Variants in MAP2K5 observed in about 807,000 individuals in gnomAD.
The protein encoded by MAP2K5 is dual specificity mitogen-activated protein kinase kinase 5.
In MAP2K5, 49 loss-of-function variants were observed where a neutral mutation model predicts 83.1. That is an observed-to-expected ratio of 0.59 (90% CI 0.47 to 0.75). MAP2K5 has a LOEUF of 0.75. MAP2K5 is among the 30% of genes least tolerant of loss of function. MAP2K5 has a pLI of 0.00. For synonymous variants in MAP2K5, 202 were observed against 191.8 expected, an observed-to-expected ratio of 1.05 and a Z score of -0.44; for missense variants, 457 against 557.5, an observed-to-expected ratio of 0.82 and a Z score of 1.82.
At chr15:67,664,468 A>C in intron 12 of MAP2K5, 129 bp from the exon 13 acceptor site, 4 of 563,180 alleles carry the variant, frequency 7.1e-6, no homozygotes, top group African/African-American at 1.9e-5. Context: ...ACCCCACAGC[A>C]CTTCAGCCTA....
intron 2 of MAP2K5, among the ~76,000 whole-genome samples, chr15:67,550,320 A>C (rs944389635): frequency 6.6e-6 from 1 of 152,272 alleles, no homozygotes; most frequent in Non-Finnish European, 1.5e-5. Flanking sequence ...AATTACCAGC[A>C]TGACCTTTAT....
intron 7 of MAP2K5, among the ~76,000 whole-genome samples, chr15:67,595,233 ATTTC>A (rs961021189): frequency 7.2e-5 from 11 of 152,180 alleles, no homozygotes; most frequent in African/African-American, 2.7e-4. Flanking sequence ...ATAAATATTT[ATTTC>A]TTTTCTGTCA....
chr15:67,729,513 G>A (rs2089173924), intron 17 of MAP2K5, among the ~76,000 whole-genome samples: 4 of 152,162 alleles, frequency 2.6e-5, no homozygotes, highest in Admixed American at 2.6e-4. Flanking sequence ...GCTTACGCCT[G>A]TAATCCCAGC....
rs2088898771 is a variant in MAP2K5, at chr15:67,719,306, A to G, written c.1045-8610A>G. Among the ~76,000 whole-genome samples the G allele has an allele frequency of 6.6e-6, 1 of 152,214 alleles. No individual in the cohort carries two copies. Among genetic ancestry groups the G allele is most frequent in the Admixed American group, 6.5e-5 (1 of 15,274 alleles). ...ACTAAAGAGTTTGTGTACCATGTTC[A>G]TTAAGGTACTGTGGCATAGAAACAA... On this transcript the variant is annotated intron_variant, in intron 16 of 21. Transcript: ENST00000178640. The surrounding 1 kb of genome is among the most constrained non-coding windows in gnomAD (Gnocchi z 4.6).
At chr15:67,615,791 A>G (rs760948087) in intron 8 of MAP2K5, among the ~76,000 whole-genome samples, 3 of 152,192 alleles carry the variant, frequency 2.0e-5, no homozygotes, top group Non-Finnish European at 4.4e-5. Context: ...GGTGACATCT[A>G]GAGGGTTTTA....
At chr15:67,633,451 T>C (rs532932336) in intron 9 of MAP2K5, among the ~76,000 whole-genome samples, 1 of 152,348 alleles carries the variant, frequency 6.6e-6, no homozygotes, top group South Asian at 2.1e-4. Context: ...TGAATTATGT[T>C]TATATAGACT....
intron 9 of MAP2K5, chr15:67,642,376 G>A (rs2086733349): frequency 6.4e-7 from 1 of 1,551,770 alleles, no homozygotes. Context: ...TTGCCCTTGA[G>A]AGGCGCATAG....
chr15:67,692,946 C>T (rs750875303), intron 14 of MAP2K5, among the ~76,000 whole-genome samples: 2 of 152,132 alleles, frequency 1.3e-5, no homozygotes, highest in Non-Finnish European at 2.9e-5. Flanking sequence ...CAATGTGCAG[C>T]ACAAATTTTA....
chr15:67,748,017 C>T lies in MAP2K5; in HGVS notation c.1075-214C>T, dbSNP rs1294298115. Among the ~76,000 whole-genome samples, 2 of 152,138 alleles carry T rather than the reference C, an allele frequency of 1.3e-5. No individual in the cohort carries two copies. Among genetic ancestry groups the T allele is most frequent in the African/African-American group, 4.8e-5 (2 of 41,414 alleles). On this transcript the variant is annotated intron_variant, in intron 17 of 21. Coordinates refer to ENST00000178640, the MANE Select transcript of MAP2K5 (RefSeq NM_145160.3). This position sits in a 1 kb window ranked among gnomAD's most constrained non-coding sequence, Gnocchi z 4.0. ...CTATTCTAATACAACCTGGAGGGTA[C>T]TAAAAAGTGTTGTGTGAAATTAACA...
intron 3 of MAP2K5, 121 bp from the exon 4 acceptor site, chr15:67,580,633 T>C: frequency 2.9e-6 from 2 of 687,062 alleles, no homozygotes; most frequent in Non-Finnish European, 2.6e-6. Context: ...GGAAAAGTAT[T>C]CTCAAGGCTG....
At chr15:67,586,234 C>T (rs1166252962) in intron 5 of MAP2K5, among the ~76,000 whole-genome samples, 1 of 152,168 alleles carries the variant, frequency 6.6e-6, no homozygotes, top group East Asian at 1.9e-4. Flanking sequence ...GACTTCATTT[C>T]AGTGATTAAT....
Position 67,780,226 on chromosome 15 carries a change from T to A in MAP2K5, c.1242+7474T>A, listed in dbSNP as rs2090306844. 6.6e-6 allele frequency among the ~76,000 whole-genome samples: 1 copy of A among 151,958 alleles called. No individual in the cohort carries two copies. Among genetic ancestry groups the A allele is most frequent in the Non-Finnish European group, 1.5e-5 (1 of 68,008 alleles). Reference sequence around the variant, plus strand: ...TTAAAAGGCTAAAGAAAAAAATGCCTGGATCCTAACCTAGATCAAAGAAGC... The same window carrying A: ...TTAAAAGGCTAAAGAAAAAAATGCCAGGATCCTAACCTAGATCAAAGAAGC... On this transcript the variant is annotated intron_variant, in intron 21 of 21. Coordinates refer to ENST00000178640, the MANE Select transcript of MAP2K5 (RefSeq NM_145160.3). The surrounding 1 kb of genome is among the most constrained non-coding windows in gnomAD (Gnocchi z 5.0).
intron 16 of MAP2K5, among the ~76,000 whole-genome samples, chr15:67,704,286 TG>T (rs1025467742): frequency 6.6e-6 from 1 of 152,206 alleles, no homozygotes; most frequent in African/African-American, 2.4e-5. Context: ...GATAGGGTCT[TG>T]CCATATTGCC....
chr15:67,773,197 G>A (rs991149923), intron 21 of MAP2K5, among the ~76,000 whole-genome samples: 1 of 152,268 alleles, frequency 6.6e-6, no homozygotes, highest in African/African-American at 2.4e-5. Flanking sequence ...TGAATCTTTG[G>A]TCTTTCCTCA....
intron 8 of MAP2K5, among the ~76,000 whole-genome samples, chr15:67,608,845 C>A (rs1343879132): frequency 1.3e-5 from 2 of 152,170 alleles, no homozygotes; most frequent in East Asian, 3.8e-4. Flanking sequence ...CTTGTTCCCA[C>A]TGGGTTGTGT....
chr15:67,628,595 G>A, intron 8 of MAP2K5: 1 of 1,270,990 alleles, frequency 7.9e-7, no homozygotes, highest in Non-Finnish European at 1.1e-6. Flanking sequence ...CAAGGCAGTG[G>A]CAAGAAAAGG....
chr15:67,566,331 C>T (rs532722920), intron 3 of MAP2K5, among the ~76,000 whole-genome samples: 22 of 152,176 alleles, frequency 1.4e-4, no homozygotes, highest in African/African-American at 2.9e-4. Context: ...CCCGCCACCA[C>T]GCACGGCTAA....
chr15:67,550,226 A>G (rs1331132932), intron 2 of MAP2K5, 144 bp downstream of exon 2: 1 of 595,450 alleles, frequency 1.7e-6, no homozygotes, highest in East Asian at 2.8e-5. Context: ...ATAAATTGAT[A>G]TAAGTTTAAT....
intron 13 of MAP2K5, among the ~76,000 whole-genome samples, chr15:67,674,130 A>T (rs1297719927): frequency 6.6e-6 from 1 of 152,128 alleles, no homozygotes; most frequent in Non-Finnish European, 1.5e-5. Context: ...TACAGGCATG[A>T]GCCACCGTGC....
Sources: gnomAD v4.1 joint callset for allele counts (sites outside exome capture counted in the v4.1 genomes callset) on GRCh38, gnomAD v4.1.1 for gene constraint, Gnocchi (gnomAD v3.1) non-coding constraint, MANE v1.5 for transcripts, NCBI Gene and HGNC (gene_info 2026-07-23, HGNC 2026-07-21) for gene names.